SLC9C2: variants seen among roughly 807,000 people sequenced by gnomAD.
SLC9C2 encodes solute carrier family 9 member C2 (putative).
SLC9C2 carries 75 observed loss-of-function variants against 140.2 expected under a neutral mutation model. That is an observed-to-expected ratio of 0.53 (90% CI 0.44 to 0.65). The LOEUF (loss-of-function observed/expected upper bound fraction) is 0.65. SLC9C2 is among the 30% of genes least tolerant of loss of function. The pLI, the probability that SLC9C2 is intolerant of heterozygous loss-of-function variation, is 0.00. For missense variants in SLC9C2, 1,074 were observed against 1,331.8 expected (o/e 0.81, Z 3.01); for synonymous variants, 375 against 420.9 (o/e 0.89, Z 1.34).
chr1:173,501,255 G>A (rs966473897), intron 27 of SLC9C2, among the ~76,000 whole-genome samples, 158 bp from the exon 28 acceptor site: 1 of 152,096 alleles, frequency 6.6e-6, no homozygotes, highest in African/African-American at 2.4e-5. Flanking sequence ...TTTGAGTGAT[G>A]CATATAATTA....
At chr1:173,572,456 C>A (rs1045702086) in intron 9 of SLC9C2, among the ~76,000 whole-genome samples, 2 of 152,152 alleles carry the variant, frequency 1.3e-5, no homozygotes, top group African/African-American at 4.8e-5. Context: ...AGACAAGCTA[C>A]CCTGGCCACC....
At chr1:173,510,912 CTGTCTTCCACAA>C (rs1296142534) in intron 23 of SLC9C2, among the ~76,000 whole-genome samples, 1 of 152,068 alleles carries the variant, frequency 6.6e-6, no homozygotes, top group Non-Finnish European at 1.5e-5. Context: ...AATCATCACA[CTGTCTTCCACAA>C]TGGTTGAACT....
intron 9 of SLC9C2, among the ~76,000 whole-genome samples, chr1:173,564,600 GA>G (rs1664330159): frequency 6.6e-6 from 1 of 150,792 alleles, no homozygotes; most frequent in Non-Finnish European, 1.5e-5. Context: ...TTCTGGTTAT[GA>G]AACTCTCACC....
rs113389684 is a variant in SLC9C2, at chr1:173,515,772, G to A, written c.2907+1765C>T. 4.1e-3 allele frequency among the ~76,000 whole-genome samples: 620 copies of A among 152,206 alleles called. 5 individuals carry two copies. Among genetic ancestry groups the A allele is most frequent in the African/African-American group, 0.014 (578 of 41,538 alleles). On this transcript the variant is annotated intron_variant, in intron 23 of 27. Transcript: ENST00000367714. ...CCTTTTGAGTTTTCAGTGTTTTTTC[G>A]TTTATTCTTTCTCATCTTCATGAGT...
intron 15 of SLC9C2, among the ~76,000 whole-genome samples, chr1:173,534,977 T>A (rs1661836086): frequency 6.6e-6 from 1 of 151,390 alleles, no homozygotes; most frequent in Non-Finnish European, 1.5e-5. Flanking sequence ...ACAAATAAAT[T>A]TAGAGGAAAA....
At chr1:173,589,364 C>T (rs1333017352) in intron 4 of SLC9C2, among the ~76,000 whole-genome samples, 2 of 151,972 alleles carry the variant, frequency 1.3e-5, no homozygotes, top group African/African-American at 4.8e-5. Flanking sequence ...TAGAAAGCAG[C>T]CTGGACAAGA....
intron 13 of SLC9C2, among the ~76,000 whole-genome samples, chr1:173,541,742 C>T (rs905378810): frequency 6.6e-6 from 1 of 152,054 alleles, no homozygotes; most frequent in African/African-American, 2.4e-5. Flanking sequence ...AACTGAACAA[C>T]CGGCTCCTGA....
chr1:173,554,945 T>C, intron 10 of SLC9C2, 131 bp from the exon 11 acceptor site: 1 of 651,706 alleles, frequency 1.5e-6, no homozygotes, highest in African/African-American at 1.8e-5. Context: ...CTGTTTCTGA[T>C]AAGTCAGTTA....
At chr1:173,554,681 C>T (rs1007228408) in intron 11 of SLC9C2, 52 bp downstream of exon 11, 1 of 1,152,840 alleles carries the variant, frequency 8.7e-7, no homozygotes, top group East Asian at 2.3e-5. Context: ...CCAACAATAA[C>T]CTGTTTGTAT....
At chr1:173,545,028 AGGG>A (rs1662743515) in intron 13 of SLC9C2, among the ~76,000 whole-genome samples, 1 of 152,182 alleles carries the variant, frequency 6.6e-6, no homozygotes, top group Non-Finnish European at 1.5e-5. Flanking sequence ...GACCAAATCC[AGGG>A]TGCTGCCAGT....
rs184520104 is a variant in SLC9C2 at position 173,564,888 on chromosome 1, C to T, written c.1047-7380G>A. 1.1e-3 allele frequency among the ~76,000 whole-genome samples: 169 copies of T among 151,594 alleles called. 1 individual carries two copies. Among genetic ancestry groups the T allele is most frequent in the Non-Finnish European group, 2.0e-3 (139 of 67,816 alleles). ...TCCTGACCTCATGATCTGCCCGCCTCGGCCTCCCAAAGTGCTGGGATTACA... is the reference window on the plus strand; with the variant it reads ...TCCTGACCTCATGATCTGCCCGCCTTGGCCTCCCAAAGTGCTGGGATTACA... On this transcript the variant is annotated intron_variant, in intron 9 of 27. Transcript: ENST00000367714.
chr1:173,598,397 T>C (rs955078627), intron 3 of SLC9C2, among the ~76,000 whole-genome samples: 8 of 152,234 alleles, frequency 5.3e-5, no homozygotes, highest in African/African-American at 1.9e-4. Flanking sequence ...TATTTCAATT[T>C]GCTTTAGATG....
chr1:173,574,385 C>A (rs1435246415), intron 8 of SLC9C2, among the ~76,000 whole-genome samples: 3 of 152,096 alleles, frequency 2.0e-5, no homozygotes, highest in African/African-American at 7.2e-5. Flanking sequence ...TGATTTCTAT[C>A]TCTTAATTCA....
In SLC9C2 at chr1:173,517,559, A is replaced by T; in HGVS notation, c.2885T>A (p.Val962Asp). The change falls in exon 23 of 28, where the codon GTC becomes GAC. Residue 962 changes from valine (V) to aspartate (D), a missense_variant. Coordinates refer to ENST00000367714, the MANE Select transcript of SLC9C2 (RefSeq NM_178527.4). ...CLLKREIEYT[V>D]ICETSLQACF... is the part of the protein sequence containing the mutation. ...TACCTGTAAACTAGTTTCACAGATGACGGTATATTCAATTTCACGCTTAAG... is the reference window on the plus strand; with the variant it reads ...TACCTGTAAACTAGTTTCACAGATGTCGGTATATTCAATTTCACGCTTAAG... 1.2e-6 allele frequency: 2 copies of T among 1,609,400 alleles called. No individual in the cohort carries two copies. The highest frequency in any genetic ancestry group is 1.7e-6 in the Non-Finnish European group (2 of 1,178,732).
chr1:173,565,837 T>C (rs898051189), intron 9 of SLC9C2, among the ~76,000 whole-genome samples: 1 of 152,224 alleles, frequency 6.6e-6, no homozygotes, highest in Non-Finnish European at 1.5e-5. Context: ...TTCCAATTCA[T>C]GAACGTGGAA....
intron 23 of SLC9C2, among the ~76,000 whole-genome samples, chr1:173,510,360 A>G (rs1337281314): frequency 1.3e-5 from 2 of 152,222 alleles, no homozygotes; most frequent in East Asian, 3.8e-4. Context: ...ATACAAGTAC[A>G]GAATGCGTAG....
At chr1:173,518,265 G>GA (rs58585946) in intron 22 of SLC9C2, among the ~76,000 whole-genome samples, 36,781 of 139,834 alleles carry the variant, frequency 0.26, 5,499 homozygotes, top group African/African-American at 0.43. Flanking sequence ...CCATCTCAAA[G>GA]AAAAAAAAAA....
intron 23 of SLC9C2, among the ~76,000 whole-genome samples, chr1:173,512,787 T>C (rs1660143222): frequency 1.3e-5 from 2 of 152,194 alleles, no homozygotes; most frequent in Admixed American, 1.3e-4. Flanking sequence ...GGCTGTGGGT[T>C]TGTCATAAAT....
At chr1:173,578,856 G>A (rs778173503) in intron 7 of SLC9C2, among the ~76,000 whole-genome samples, 2 of 152,194 alleles carry the variant, frequency 1.3e-5, no homozygotes, top group African/African-American at 4.8e-5. Context: ...CCACCCTAAT[G>A]ACTGCATCTT....
Sources: gnomAD v4.1 joint callset for allele counts (sites outside exome capture counted in the v4.1 genomes callset) on GRCh38, gnomAD v4.1.1 for gene constraint, MANE v1.5 for transcripts, NCBI Gene and HGNC (gene_info 2026-07-23, HGNC 2026-07-21) for gene names.